Variants in DACH2 observed in about 807,000 individuals in gnomAD.
DACH2 encodes dachshund family transcription factor 2.
Under a neutral mutation model 35.8 loss-of-function variants are expected in DACH2, and 17 were observed. The observed-to-expected ratio is 0.48, with a 90% CI of 0.33 to 0.71. DACH2 has a LOEUF of 0.71. Among genes scored for constraint, DACH2 ranks in the 30% least tolerant of loss-of-function variants. The pLI, the probability that DACH2 is intolerant of heterozygous loss-of-function variation, is 0.02. For missense variants in DACH2, 469 were observed against 472.7 expected (o/e 0.99, Z 0.07); for synonymous variants, 195 against 177.3 (o/e 1.10, Z -0.79).
chrX:86,314,110 C>A, intron 1 of DACH2, among the ~76,000 whole-genome samples: 1 of 110,046 alleles, frequency 9.1e-6, no homozygotes, highest in Non-Finnish European at 1.9e-5. Flanking sequence ...CTCCTTGGGT[C>A]TCCCTATTCC....
chrX:86,622,463 T>A (rs960016468), intron 3 of DACH2, among the ~76,000 whole-genome samples: 6 of 111,283 alleles, frequency 5.4e-5, no homozygotes, highest in African/African-American at 2.0e-4. Context: ...TTCTCTGACA[T>A]ATGTGATAGA....
chrX:86,450,384 C>G (rs1430643869), intron 2 of DACH2, among the ~76,000 whole-genome samples: 1 of 111,228 alleles, frequency 9.0e-6, no homozygotes, highest in East Asian at 2.8e-4. Flanking sequence ...CCATCCATGT[C>G]CCTGAAAAGG....
At chrX:86,182,768 G>A (rs1463154629) in intron 1 of DACH2, among the ~76,000 whole-genome samples, 7 of 106,401 alleles carry the variant, frequency 6.6e-5, no homozygotes, top group African/African-American at 2.4e-4. Context: ...ACTTTGGTCA[G>A]TATGGCCATT....
intron 1 of DACH2, among the ~76,000 whole-genome samples, chrX:86,182,337 T>C (rs1424140293): frequency 1.4e-4 from 16 of 112,274 alleles, no homozygotes; most frequent in African/African-American, 5.2e-4. Flanking sequence ...TTTAAGTCTT[T>C]AATCCATCTT....
chrX:86,537,309 A>T (rs778301631), intron 3 of DACH2, among the ~76,000 whole-genome samples: 1 of 110,023 alleles, frequency 9.1e-6, no homozygotes, highest in African/African-American at 3.3e-5. Flanking sequence ...ATGCCCCAGG[A>T]CTCTTTTGAC....
chrX:86,717,814 A>T (rs1253439519), intron 6 of DACH2, among the ~76,000 whole-genome samples: 1 of 104,827 alleles, frequency 9.5e-6, no homozygotes, highest in Non-Finnish European at 1.9e-5. Flanking sequence ...GAATACTATG[A>T]TCCTAAAAAA....
chrX:86,190,788 T>C (rs1260551308), intron 1 of DACH2, among the ~76,000 whole-genome samples: 1 of 110,307 alleles, frequency 9.1e-6, no homozygotes, highest in Non-Finnish European at 1.9e-5. Context: ...CTACTAAAAA[T>C]ACAAAATTAG....
At chrX:86,185,685 TA>T (rs779727993) in intron 1 of DACH2, among the ~76,000 whole-genome samples, 53 of 111,747 alleles carry the variant, frequency 4.7e-4, no homozygotes, top group African/African-American at 1.7e-3. Context: ...TTATTAAATA[TA>T]GGCATTATGT....
chrX:86,401,533 A>T (rs1231549037), intron 2 of DACH2, among the ~76,000 whole-genome samples: 1 of 111,519 alleles, frequency 9.0e-6, no homozygotes, highest in Non-Finnish European at 1.9e-5. Context: ...CCTATATATT[A>T]TATTTCAAAT....
chrX:86,496,243 C>T (rs1293318756), intron 2 of DACH2, among the ~76,000 whole-genome samples: 2 of 111,231 alleles, frequency 1.8e-5, no homozygotes, highest in African/African-American at 6.5e-5. Flanking sequence ...TACATAAACC[C>T]ATCTTCAGAA....
chrX:86,292,051 G>A (rs1335277437), intron 1 of DACH2, among the ~76,000 whole-genome samples: 5 of 57,320 alleles, frequency 8.7e-5, no homozygotes, highest in African/African-American at 3.9e-4. Flanking sequence ...AATCCATCTG[G>A]TCCTGGACTA....
chrX:86,378,609 C>T (rs2036002335), intron 2 of DACH2, among the ~76,000 whole-genome samples: 1 of 110,529 alleles, frequency 9.0e-6, no homozygotes, highest in Admixed American at 9.7e-5. Context: ...GTAACTAACT[C>T]AATAAAAAGC....
At chrX:86,511,598 A>G (rs1192392270) in intron 2 of DACH2, among the ~76,000 whole-genome samples, 4 of 111,679 alleles carry the variant, frequency 3.6e-5, no homozygotes, top group African/African-American at 1.3e-4. Context: ...AAAAAATCAA[A>G]CCAAAATCTT....
intron 3 of DACH2, among the ~76,000 whole-genome samples, chrX:86,604,284 T>C (rs1314215503): frequency 9.0e-6 from 1 of 111,375 alleles, no homozygotes; most frequent in Non-Finnish European, 1.9e-5. Context: ...AGTAAACCTC[T>C]TTCCAAATTA....
At chrX:86,707,643 G>A (rs987250936) in intron 5 of DACH2, among the ~76,000 whole-genome samples, 4 of 110,415 alleles carry the variant, frequency 3.6e-5, no homozygotes, top group Admixed American at 9.6e-5. Context: ...CCGCCCAGGC[G>A]CGGTGGCCCA....
intron 1 of DACH2, among the ~76,000 whole-genome samples, chrX:86,362,710 G>A (rs970894263): frequency 2.0e-4 from 22 of 110,851 alleles, no homozygotes; most frequent in African/African-American, 6.9e-4. Context: ...TTCTAGAGCC[G>A]GTGCAAACAG....
intron 7 of DACH2, among the ~76,000 whole-genome samples, chrX:86,746,230 G>T (rs2041711062): frequency 9.0e-6 from 1 of 111,180 alleles, no homozygotes; most frequent in Non-Finnish European, 1.9e-5. Flanking sequence ...ATACAGTTTT[G>T]GGTTGACTTG....
At chrX:86,150,053 G>C (rs1181234899) in intron 1 of DACH2, among the ~76,000 whole-genome samples, 1 of 112,215 alleles carries the variant, frequency 8.9e-6, no homozygotes, top group East Asian at 2.8e-4. Flanking sequence ...AAGTACACTA[G>C]TGAATAAATG....
chrX:86,674,023 G>A (rs894441288), intron 4 of DACH2, among the ~76,000 whole-genome samples: 3 of 111,843 alleles, frequency 2.7e-5, no homozygotes, highest in African/African-American at 9.8e-5. Context: ...AAATTACCTA[G>A]TCTCAGGTAG....
Sources: gnomAD v4.1 joint callset for allele counts (sites outside exome capture counted in the v4.1 genomes callset) on GRCh38, gnomAD v4.1.1 for gene constraint, MANE v1.5 for transcripts, NCBI Gene and HGNC (gene_info 2026-07-23, HGNC 2026-07-21) for gene names.